Variants in FREM2 observed in about 807,000 individuals in gnomAD.
FREM2 encodes FRAS1-related extracellular matrix protein 2.
Under a neutral mutation model 219.9 loss-of-function variants are expected in FREM2, and 119 were observed. The observed-to-expected ratio is 0.54, with a 90% CI of 0.47 to 0.63. The LOEUF is 0.63. FREM2 is among the 30% of genes least tolerant of loss of function. FREM2 has a pLI of 0.00. For missense variants in FREM2, 4,030 were observed against 3,993.6 expected (o/e 1.01, Z -0.25); for synonymous variants, 1,562 against 1,522.8 (o/e 1.03, Z -0.60).
chr13:38,795,841 A>G (rs948371155), intron 6 of FREM2, among the ~76,000 whole-genome samples: 2 of 152,164 alleles, frequency 1.3e-5, no homozygotes, highest in Admixed American at 1.3e-4. Context: ...CAGAATATGC[A>G]GTATCTGTCT....
rs752363327 is a variant in FREM2, at chr13:38,859,495, G to C, written c.7424G>C (p.Gly2475Ala). The change falls in exon 14 of 24, where the codon GGC becomes GCC. Residue 2475 changes from glycine to alanine, a missense_variant. Transcript: ENST00000280481. Reference sequence around the variant, plus strand: ...CTGGACTCCATATACTTTCAGCCTGGCTCCCGGGTACAGTGCGCAGCTCGT... The same window carrying C: ...CTGGACTCCATATACTTTCAGCCTGCCTCCCGGGTACAGTGCGCAGCTCGT... Reference protein sequence around the residue: ...VTLDSIYFQPGSRVQCAARAV... With the variant: ...VTLDSIYFQPASRVQCAARAV... 3 of 1,613,882 alleles carry C rather than the reference G, an allele frequency of 1.9e-6. No homozygotes were observed. Among genetic ancestry groups the C allele is most frequent in the South Asian group, 2.2e-5 (2 of 91,082 alleles).
intron 23 of FREM2, among the ~76,000 whole-genome samples, chr13:38,879,506 C>T (rs1361842546): frequency 1.3e-5 from 2 of 152,170 alleles, no homozygotes; most frequent in African/African-American, 4.8e-5. Context: ...GCAGCTGCCA[C>T]AACACTGAGC....
chr13:38,749,466 A>G (rs1405683188), intron 2 of FREM2, among the ~76,000 whole-genome samples: 1 of 152,222 alleles, frequency 6.6e-6, no homozygotes, highest in East Asian at 1.9e-4. Context: ...AAGTCAGATC[A>G]TATGTTCATG....
At chr13:38,851,603 C>A (rs1232422125) in intron 10 of FREM2, 83 bp from the exon 11 acceptor site, 8 of 1,088,948 alleles carry the variant, frequency 7.3e-6, no homozygotes, top group Non-Finnish European at 1.1e-5. Flanking sequence ...TATCCCCTCC[C>A]ACATGGAAAC....
At chr13:38,822,214 A>G (rs1322181023) in intron 6 of FREM2, 2 of 152,158 alleles carry the variant, frequency 1.3e-5, no homozygotes, top group Admixed American at 6.6e-5. Context: ...TACACCTTAT[A>G]GAGCTGAAAT....
chr13:38,869,911 T>G (rs1878102396), intron 16 of FREM2, among the ~76,000 whole-genome samples: 3 of 152,200 alleles, frequency 2.0e-5, no homozygotes. Flanking sequence ...GGCTAGCTGT[T>G]TTGCGACATA....
intron 1 of FREM2, among the ~76,000 whole-genome samples, chr13:38,692,792 G>A (rs1566106733): frequency 6.6e-6 from 1 of 152,140 alleles, no homozygotes; most frequent in Non-Finnish European, 1.5e-5. Context: ...AATTAAAATC[G>A]AAGCAGGCTT....
At chr13:38,863,000 A>G (rs1877817858) in intron 15 of FREM2, among the ~76,000 whole-genome samples, 1 of 152,172 alleles carries the variant, frequency 6.6e-6, no homozygotes, top group Non-Finnish European at 1.5e-5. Flanking sequence ...TTTATGGAAC[A>G]AATTTTCAGT....
intron 6 of FREM2, among the ~76,000 whole-genome samples, chr13:38,800,026 G>A (rs1441739988): frequency 6.6e-6 from 1 of 151,888 alleles, no homozygotes; most frequent in East Asian, 1.9e-4. Context: ...TTGTTTTCTG[G>A]TTATTTTATA....
At chr13:38,720,074 G>A (rs183969915) in intron 2 of FREM2, among the ~76,000 whole-genome samples, 2 of 152,254 alleles carry the variant, frequency 1.3e-5, no homozygotes, top group African/African-American at 4.8e-5. Flanking sequence ...GAAGAGGATA[G>A]CAAAGAAGGT....
At chr13:38,817,180 A>G (rs981328323) in intron 6 of FREM2, among the ~76,000 whole-genome samples, 4 of 152,184 alleles carry the variant, frequency 2.6e-5, no homozygotes, top group African/African-American at 9.6e-5. Context: ...TCAAAATGCC[A>G]ATGGCATTCT....
chr13:38,778,872 G>A (rs1437148315), intron 4 of FREM2, among the ~76,000 whole-genome samples: 3 of 152,104 alleles, frequency 2.0e-5, no homozygotes, highest in African/African-American at 7.2e-5. Context: ...ATGACCTGAA[G>A]ACTGCCAAAA....
chr13:38,769,359 C>A (rs977175171), intron 3 of FREM2, among the ~76,000 whole-genome samples: 1 of 152,024 alleles, frequency 6.6e-6, no homozygotes, highest in African/African-American at 2.4e-5. Flanking sequence ...TATAGCAAAA[C>A]CATAATTGAG....
Position 38,687,654 on chromosome 13 carries a change from C to T in FREM2, c.310C>T (p.Arg104Cys), listed in dbSNP as rs897385516. The T allele has an allele frequency of 6.2e-7, 1 of 1,606,506 alleles. No individual in the cohort carries two copies. Among genetic ancestry groups the T allele is most frequent in the African/African-American group, 1.3e-5 (1 of 74,762 alleles). Residue 104 changes from arginine to cysteine, a missense_variant, in exon 1 of 24, where the codon CGC becomes TGC. Around this residue, in one of 2 missense-constraint regions of FREM2, gnomAD observed 3,102 missense variants for 2,950.7 expected, o/e 1.05. Transcript: ENST00000280481. ...GGTGTTGCAGGTGCAGCCCGGGGAC[C>T]GCTGCGCGGTTTCGGTACTAGACAA... ...DLVLQVQPGD[R>C]CAVSVLDNDA...
At chr13:38,862,616 C>T (rs1332043457) in intron 15 of FREM2, among the ~76,000 whole-genome samples, 1 of 152,152 alleles carries the variant, frequency 6.6e-6, no homozygotes, top group African/African-American at 2.4e-5. Flanking sequence ...CGGAGTTTTG[C>T]TCTGAGTGAA....
intron 2 of FREM2, among the ~76,000 whole-genome samples, chr13:38,730,953 C>G (rs1221816847): frequency 6.7e-6 from 1 of 149,002 alleles, no homozygotes; most frequent in Non-Finnish European, 1.5e-5. Context: ...CACCACAGTT[C>G]TTACCTTCCT....
Position 38,874,601 on chromosome 13 carries a change from C to T in FREM2, c.8281+15C>T. ...GTCACATCCCGGTAAGCCCCGTTATCTTTTAACAACCACTCCTCACACAAA... is the reference window on the plus strand; with the variant it reads ...GTCACATCCCGGTAAGCCCCGTTATTTTTTAACAACCACTCCTCACACAAA... On this transcript the variant is annotated intron_variant, in intron 18 of 23. Transcript: ENST00000280481. 2 of 1,592,560 alleles carry T rather than the reference C, an allele frequency of 1.3e-6. No individual in the cohort carries two copies. The highest frequency in any genetic ancestry group is 2.2e-5 in the South Asian group (2 of 90,618).
intron 2 of FREM2, among the ~76,000 whole-genome samples, chr13:38,722,806 C>T (rs1338500738): frequency 6.6e-6 from 1 of 150,438 alleles, no homozygotes; most frequent in Non-Finnish European, 1.5e-5. Flanking sequence ...AATCTATGGC[C>T]CAGAGTTAAT....
chr13:38,688,312 T>A lies in FREM2; in HGVS notation c.968T>A (p.Val323Glu). ...AACACTGCACCCAAGCCCAGTTTCG[T>A]GGCCATGATGATGATGGAGGTGGAC... ...AENTAPKPSF[V>E]AMMMMEVDQF... is the part of the protein sequence containing the mutation. Residue 323 changes from valine to glutamate, a missense_variant, in exon 1 of 24, where the codon GTG becomes GAG. Transcript: ENST00000280481. The A allele has an allele frequency of 6.2e-7, 1 of 1,614,194 alleles. No homozygotes were observed. The highest frequency in any genetic ancestry group is 1.1e-5 in the South Asian group (1 of 91,088).
Sources: allele counts gnomAD v4.1 joint callset (sites outside exome capture counted in the v4.1 genomes callset), GRCh38; gene constraint gnomAD v4.1.1; regional missense constraint gnomAD v4.1.1; transcripts MANE v1.5; gene names NCBI Gene and HGNC (gene_info 2026-07-23, HGNC 2026-07-21).